MYLK3: variants seen among roughly 807,000 people sequenced by gnomAD.
MYLK3 encodes the protein myosin light chain kinase 3, also known as MLC kinase.
A neutral mutation model predicts 76.3 loss-of-function variants in MYLK3; 55 were observed. That is an observed-to-expected ratio of 0.72 (90% CI 0.58 to 0.90). The LOEUF (loss-of-function observed/expected upper bound fraction) is 0.90, where lower values mean the gene tolerates loss of function less well. Ranked by LOEUF, MYLK3 falls within the 40% of genes least tolerant of loss-of-function variation. The probability of loss-of-function intolerance (pLI) is 0.00; values close to 1 mark genes in which losing one functional copy is unlikely to be tolerated. For missense variants in MYLK3, 973 were observed against 1,053.6 expected (o/e 0.92, Z 1.06); for synonymous variants, 416 against 425.4 (o/e 0.98, Z 0.27).
chr16:46,722,952 T>C (rs1219142957), intron 8 of MYLK3, among the ~76,000 whole-genome samples: 1 of 152,262 alleles, frequency 6.6e-6, no homozygotes, highest in Non-Finnish European at 1.5e-5. Context: ...CCTCAGGTGA[T>C]CTGCCTGCCT....
chr16:46,754,755 CT>C (rs1458617442), intron 1 of MYLK3, among the ~76,000 whole-genome samples: 1 of 152,180 alleles, frequency 6.6e-6, no homozygotes, highest in Non-Finnish European at 1.5e-5. Flanking sequence ...ACTTCTCATC[CT>C]AAAAACAACT....
intron 3 of MYLK3, among the ~76,000 whole-genome samples, chr16:46,734,055 G>A (rs982690854): frequency 2.0e-5 from 3 of 152,122 alleles, no homozygotes; most frequent in Non-Finnish European, 4.4e-5. Flanking sequence ...CTCCACTTCT[G>A]GGTATATATC....
Position 46,732,620 on chromosome 16 carries a change from C to A in MYLK3, c.1050G>T (p.Met350Ile), listed in dbSNP as rs771920372. 1.9e-6 allele frequency: 3 copies of A among 1,569,668 alleles called. No individual in the cohort carries two copies. The highest frequency in any genetic ancestry group is 2.3e-5 in the South Asian group (2 of 87,548). ...TGGGTCCAAGGCTGCCCCTGCCTGT[C>A]ATCAGCATCTCCCCAGGAGTATCCA... ...QEMDTPGEML[M>I]TGRGSLGPTL... The change falls in exon 4 of 13, where the codon ATG becomes ATT. Residue 350 changes from methionine (M) to isoleucine (I), a missense_variant. Physicochemically the swap from Met to Ile is conservative, Grantham distance 10. This residue lies in a region of MYLK3 where 641 missense variants were observed against 637.0 expected (regional missense o/e 1.01). Coordinates refer to ENST00000394809, the MANE Select transcript of MYLK3 (RefSeq NM_182493.3).
chr16:46,747,089 A>T (rs1272550120), intron 1 of MYLK3, among the ~76,000 whole-genome samples: 1 of 151,776 alleles, frequency 6.6e-6, no homozygotes, highest in East Asian at 1.9e-4. Context: ...TACAGACCTC[A>T]CCCCCCATAT....
At chr16:46,742,780 G>A (rs1057475015) in intron 1 of MYLK3, among the ~76,000 whole-genome samples, 1 of 152,194 alleles carries the variant, frequency 6.6e-6, no homozygotes, top group African/African-American at 2.4e-5. Context: ...GCTCACTGCC[G>A]CTGTCACCAT....
chr16:46,729,038 G>C lies in MYLK3; in HGVS notation c.1758C>G (p.Thr586=), dbSNP rs778301911. The C allele has an allele frequency of 1.7e-5, 28 of 1,613,806 alleles. No individual in the cohort carries two copies. The South Asian group carries it at 3.0e-4, about 17-fold the overall frequency. ...CTGATACTCACTACTCCATGACAAG[G>C]GTGCAGCTGTGCTTGCTCTCGAAGG... The part of the protein sequence containing the change: ...YDAFESKHSC[T]LVMEYVDGGE... The change falls in exon 7 of 13, where the codon ACC becomes ACG. Residue 586 remains threonine, a synonymous_variant. Coordinates refer to ENST00000394809, the MANE Select transcript of MYLK3 (RefSeq NM_182493.3).
At chr16:46,744,343 T>TC in intron 1 of MYLK3, among the ~76,000 whole-genome samples, 1 of 138,082 alleles carries the variant, frequency 7.2e-6, no homozygotes, top group African/African-American at 2.8e-5. Context: ...TTTTTTTTTT[T>TC]TTTTTTTTTT....
In MYLK3 at chr16:46,703,091, T is replaced by G. The variant is rs1171878725; in HGVS notation, c.*4613A>C. ...ATCCTACGGTTTTTTAATGCACATA[T>G]AAGCATATGTCTCTTCACAAATGGG... On this transcript the variant is annotated 3_prime_UTR_variant, in exon 13 of 13. Coordinates refer to ENST00000394809, the MANE Select transcript of MYLK3 (RefSeq NM_182493.3). Among the ~76,000 whole-genome samples, 1 of 152,130 alleles carries G rather than the reference T, an allele frequency of 6.6e-6. No homozygotes were observed. The highest frequency in any genetic ancestry group is 1.5e-5 in the Non-Finnish European group (1 of 68,032).
intron 12 of MYLK3, among the ~76,000 whole-genome samples, chr16:46,708,213 C>T (rs1438254713): frequency 1.3e-5 from 2 of 151,998 alleles, no homozygotes; most frequent in African/African-American, 4.8e-5. Context: ...ACTAGGTTAC[C>T]CAGGTTTATC....
intron 8 of MYLK3, among the ~76,000 whole-genome samples, chr16:46,722,531 T>G (rs546246765): frequency 6.6e-5 from 10 of 152,354 alleles, no homozygotes; most frequent in African/African-American, 2.2e-4. Context: ...AAAATCTCTG[T>G]CTTCTATATA....
chr16:46,711,376 G>T (rs1423626441), intron 10 of MYLK3, among the ~76,000 whole-genome samples: 2 of 152,160 alleles, frequency 1.3e-5, no homozygotes, highest in African/African-American at 4.8e-5. Context: ...TACCTCTGAG[G>T]AAGCAGCCAC....
intron 2 of MYLK3, among the ~76,000 whole-genome samples, chr16:46,738,519 CA>C (rs1441933486): frequency 3.9e-5 from 6 of 152,146 alleles, no homozygotes; most frequent in Non-Finnish European, 5.9e-5. Context: ...ATATTCACGC[CA>C]CTTGCACTCC....
intron 1 of MYLK3, among the ~76,000 whole-genome samples, chr16:46,742,447 AAC>A (rs57671045): frequency 2.3e-3 from 303 of 131,182 alleles, no homozygotes; most frequent in African/African-American, 8.1e-3. Flanking sequence ...TCCCAGCAAA[AAC>A]ACACACACAC....
intron 1 of MYLK3, among the ~76,000 whole-genome samples, chr16:46,758,380 G>A (rs1227592402): frequency 6.7e-6 from 1 of 148,420 alleles, no homozygotes; most frequent in Admixed American, 6.8e-5. Flanking sequence ...TTGGCTGACG[G>A]GAAGGAGAGA....
rs368349751 is a variant in MYLK3, at chr16:46,747,966, G to A, written c.228C>T (p.Gly76=). Residue 76 remains glycine (G), a synonymous_variant, in exon 1 of 13, where the codon GGC becomes GGT. Coordinates refer to ENST00000394809, the MANE Select transcript of MYLK3 (RefSeq NM_182493.3). The stretch of plus-strand genomic sequence containing the variant: ...CAATGTGGGGAACCCCATCAGCCCC[G>A]CCCGGGCCCGGTGCCCGGGAGGCCT... The part of the protein sequence containing the change: ...RLEASRAPGP[G]GADGVPHIDT... The A allele has an allele frequency of 7.6e-5, 122 of 1,612,782 alleles. No individual in the cohort carries two copies. Among genetic ancestry groups the A allele is most frequent in the Admixed American group, 5.0e-4 (30 of 59,944 alleles).
At chr16:46,726,889 T>G in intron 8 of MYLK3, 1 of 163,838 alleles carries the variant, frequency 6.1e-6, no homozygotes, top group Non-Finnish European at 1.3e-5. Flanking sequence ...GGGAGGAACT[T>G]TCACTGTGTA....
rs760224189 is a variant in MYLK3, at chr16:46,705,856, G to A, written c.*1848C>T. ...ACAAAAATTAGCTGGGTGTAGTAGC[G>A]GGCACCTATGGTCCCAGGTACTCAT... On this transcript the variant is annotated 3_prime_UTR_variant, in exon 13 of 13. Coordinates refer to ENST00000394809, the MANE Select transcript of MYLK3 (RefSeq NM_182493.3). 2 of 151,776 alleles carry A rather than the reference G, an allele frequency of 1.3e-5. No individual in the cohort carries two copies. The highest frequency in any genetic ancestry group is 6.6e-5 in the Admixed American group (1 of 15,224). The allele number at this position is 151,776 out of a possible 1,614,324, so 9.4% of individuals were successfully genotyped here.
At chr16:46,759,790 C>T (rs1967252303) in intron 1 of MYLK3, among the ~76,000 whole-genome samples, 1 of 152,128 alleles carries the variant, frequency 6.6e-6, no homozygotes, top group Admixed American at 6.6e-5. Context: ...CACCACCACA[C>T]CTGGCTAATT....
In MYLK3 at chr16:46,738,010, C is replaced by T; in HGVS notation, c.702G>A (p.Gln234=). 6.2e-7 allele frequency: 1 copy of T among 1,613,434 alleles called. No homozygotes were observed. Among genetic ancestry groups the T allele is most frequent in the South Asian group, 1.1e-5 (1 of 91,080 alleles). ...GCAGGGGCAGGTGGCCAGGGAATGCCTGGGCTGGGCCAGGAACACCATCTC... is the reference window on the plus strand; with the variant it reads ...GCAGGGGCAGGTGGCCAGGGAATGCTTGGGCTGGGCCAGGAACACCATCTC... ...GQGDGVPGPA[Q]AFPGHLPLPT... The change falls in exon 3 of 13, where the codon CAG becomes CAA. Residue 234 remains glutamine, a synonymous_variant. Transcript: ENST00000394809.
Sources: allele counts gnomAD v4.1 joint callset (sites outside exome capture counted in the v4.1 genomes callset), GRCh38; gene constraint gnomAD v4.1.1; regional missense constraint gnomAD v4.1.1; transcripts MANE v1.5; gene names NCBI Gene and HGNC (gene_info 2026-07-23, HGNC 2026-07-21).